CSGALNACT1: variants seen among roughly 807,000 people sequenced by gnomAD.
CSGALNACT1 encodes beta4GalNAcT-1.
A neutral mutation model predicts 51.0 loss-of-function variants in CSGALNACT1; 52 were observed. The observed-to-expected ratio is 1.02, with a 90% CI of 0.82 to 1.29. The LOEUF is 1.29. CSGALNACT1 is among the 50% of genes most tolerant of loss of function. CSGALNACT1 has a pLI of 0.00. For missense variants in CSGALNACT1, 935 were observed against 679.2 expected (o/e 1.38, Z -4.19); for synonymous variants, 341 against 254.4 (o/e 1.34, Z -3.24).
chr8:19,666,943 A>AAAGAAAGAAAGAAAG (rs2059317042), intron 1 of CSGALNACT1, among the ~76,000 whole-genome samples: 2 of 79,392 alleles, frequency 2.5e-5, no homozygotes, highest in African/African-American at 4.7e-5. Flanking sequence ...GAGAGAGAGA[A>AAAGAAAGAAAGAAAG]AAAGAAAGAA....
chr8:19,427,378 G>A (rs6586830), intron 6 of CSGALNACT1, among the ~76,000 whole-genome samples: 120,342 of 152,164 alleles, frequency 0.79, 47,635 homozygotes, highest in Admixed American at 0.85. Context: ...CTTGTGTTTT[G>A]AATCGAGAAA....
chr8:19,451,685 T>C (rs1586313206), intron 5 of CSGALNACT1, among the ~76,000 whole-genome samples: 2 of 152,198 alleles, frequency 1.3e-5, no homozygotes, highest in Non-Finnish European at 2.9e-5. Context: ...CTGCTCTTTC[T>C]TGGGAATTCC....
chr8:19,510,588 G>C (rs187089473), intron 3 of CSGALNACT1, among the ~76,000 whole-genome samples: 142 of 152,170 alleles, frequency 9.3e-4, no homozygotes, highest in Middle Eastern at 6.8e-3. Flanking sequence ...AGGAACTAAC[G>C]TCCTTTCAAA....
At position 19,736,822 on chromosome 8, in the gene CSGALNACT1, T is replaced by C. The variant is rs1480872125; in HGVS notation, c.-297+21028A>G. Among the ~76,000 whole-genome samples, 7 of 151,980 alleles carry C rather than the reference T, an allele frequency of 4.6e-5. No individual in the cohort carries two copies. In the South Asian group the frequency reaches 6.2e-4, roughly 14 times the overall value. On this transcript the variant is annotated intron_variant, in intron 1 of 1. Transcript: ENST00000517494. ...GTTCCAGAAGGAAACACCAGAAACA[T>C]TGGGGAAAGAGGTTATTTTCAAAGA...
At chr8:19,630,417 A>C (rs923208667) in intron 1 of CSGALNACT1, among the ~76,000 whole-genome samples, 6 of 152,088 alleles carry the variant, frequency 3.9e-5, no homozygotes, top group African/African-American at 1.4e-4. Flanking sequence ...CACCCCCATC[A>C]GTTTCCCCCA....
chr8:19,555,921 G>A (rs2089599574), intron 3 of CSGALNACT1, among the ~76,000 whole-genome samples: 1 of 152,132 alleles, frequency 6.6e-6, no homozygotes, highest in Non-Finnish European at 1.5e-5. Context: ...AACTGAAGAA[G>A]TAAAATGATC....
intron 1 of CSGALNACT1, among the ~76,000 whole-genome samples, chr8:19,666,873 GA>G (rs1347286338): frequency 7.6e-6 from 1 of 130,812 alleles, no homozygotes; most frequent in Non-Finnish European, 1.6e-5. Flanking sequence ...AAGAAAGAAA[GA>G]AAGAAAGAAA....
chr8:19,499,555 C>A (rs148556486), intron 4 of CSGALNACT1, among the ~76,000 whole-genome samples: 1 of 152,198 alleles, frequency 6.6e-6, no homozygotes, highest in Non-Finnish European at 1.5e-5. Flanking sequence ...CACCACAACA[C>A]AAGGCCTGAT....
intron 4 of CSGALNACT1, among the ~76,000 whole-genome samples, chr8:19,481,952 G>A (rs774930794): frequency 6.6e-6 from 1 of 152,228 alleles, no homozygotes; most frequent in Non-Finnish European, 1.5e-5. Context: ...TGGCAGGAGT[G>A]CAGGGGGCTT....
At chr8:19,598,904 T>C (rs1379343165) in intron 2 of CSGALNACT1, among the ~76,000 whole-genome samples, 2 of 152,188 alleles carry the variant, frequency 1.3e-5, no homozygotes, top group South Asian at 2.1e-4. Context: ...ATTCATTCTT[T>C]TGTTTGGTGC....
chr8:19,549,144 T>C (rs2087255583), intron 3 of CSGALNACT1, among the ~76,000 whole-genome samples: 1 of 152,166 alleles, frequency 6.6e-6, no homozygotes. Flanking sequence ...TTAATAGCAA[T>C]TGGTATCCCA....
chr8:19,735,198 T>A (rs551575133), intron 1 of CSGALNACT1, among the ~76,000 whole-genome samples: 1 of 152,004 alleles, frequency 6.6e-6, no homozygotes, highest in Non-Finnish European at 1.5e-5. Flanking sequence ...TGGCTCTGGG[T>A]GAAAAATGAA....
At chr8:19,405,017 C>G in exon 10 of CSGALNACT1, 1 of 453,250 alleles carries the variant, frequency 2.2e-6, no homozygotes, top group South Asian at 1.6e-5. Flanking sequence ...ATGCTTTGAA[C>G]TGAAAGTTCT....
chr8:19,498,286 C>T (rs1039021922), intron 4 of CSGALNACT1, among the ~76,000 whole-genome samples: 2 of 152,190 alleles, frequency 1.3e-5, no homozygotes, highest in Non-Finnish European at 2.9e-5. Context: ...TGACCAGTAT[C>T]CATACACACA....
chr8:19,694,974 C>A (rs928219779), intron 1 of CSGALNACT1, among the ~76,000 whole-genome samples: 2 of 152,170 alleles, frequency 1.3e-5, no homozygotes, highest in African/African-American at 4.8e-5. Context: ...TCAACAAGCC[C>A]CGGAGACAGA....
chr8:19,577,698 G>A (rs562662865), intron 3 of CSGALNACT1, among the ~76,000 whole-genome samples: 1 of 152,032 alleles, frequency 6.6e-6, no homozygotes, highest in Non-Finnish European at 1.5e-5. Context: ...CTCCCATTGG[G>A]TTTAAAATAA....
At chr8:19,677,884 G>A (rs546698374) in intron 1 of CSGALNACT1, among the ~76,000 whole-genome samples, 35 of 152,244 alleles carry the variant, frequency 2.3e-4, no homozygotes, top group African/African-American at 8.2e-4. Context: ...CAAATTGTCT[G>A]AAAAACAATT....
At position 19,702,339 on chromosome 8, in the gene CSGALNACT1, C is replaced by A. The variant is rs148425613; in HGVS notation, c.-297+55511G>T. On this transcript the variant is annotated intron_variant, in intron 1 of 1. Coordinates refer to the CSGALNACT1 transcript ENST00000517494. ...ACCAGCCTGGGCAACATAGTGAGAC[C>A]TCATCTCTACAATAAAATTAAAATT... Among the ~76,000 whole-genome samples, 58 of 152,080 alleles carry A rather than the reference C, an allele frequency of 3.8e-4. No homozygotes were observed. The East Asian group carries it at 8.3e-3, about 22-fold the overall frequency.
At chr8:19,582,854 G>A (rs760507486) in intron 3 of CSGALNACT1, among the ~76,000 whole-genome samples, 4 of 152,094 alleles carry the variant, frequency 2.6e-5, no homozygotes, top group Non-Finnish European at 5.9e-5. Context: ...TATGAACTGG[G>A]TTTGCTATTA....
Sources: allele counts gnomAD v4.1 joint callset (sites outside exome capture counted in the v4.1 genomes callset), GRCh38; gene constraint gnomAD v4.1.1; transcripts MANE v1.5; gene names NCBI Gene and HGNC (gene_info 2026-07-23, HGNC 2026-07-21).